The following ASIC2 variants were observed in gnomAD, a reference collection of about 807,000 sequenced individuals.
The protein encoded by ASIC2 is acid sensing ion channel subunit 2.
In ASIC2, 25 loss-of-function variants were observed where a neutral mutation model predicts 57.3. The ratio of observed to expected loss-of-function variants is 0.44; its 90% CI spans 0.32 to 0.61. The LOEUF is 0.61. Among genes scored for constraint, ASIC2 ranks in the 20% least tolerant of loss-of-function variants. ASIC2 has a pLI of 0.06. For synonymous variants in ASIC2, 319 were observed against 307.5 expected, an observed-to-expected ratio of 1.04 and a Z score of -0.39; for missense variants, 641 against 738.1, an observed-to-expected ratio of 0.87 and a Z score of 1.52.
At chr17:34,145,057 T>C (rs1912380360) in intron 1 of ASIC2, among the ~76,000 whole-genome samples, 1 of 152,148 alleles carries the variant, frequency 6.6e-6, no homozygotes, top group Non-Finnish European at 1.5e-5. Flanking sequence ...GCTCCCAGAA[T>C]TTATGACAAA....
chr17:34,061,040 T>C (rs564462155), intron 1 of ASIC2, among the ~76,000 whole-genome samples: 26 of 152,292 alleles, frequency 1.7e-4, no homozygotes, highest in African/African-American at 6.0e-4. Flanking sequence ...CCTAGGCACA[T>C]TGTCATTAGG....
At chr17:33,194,918 T>C in intron 1 of ASIC2, among the ~76,000 whole-genome samples, 1 of 152,288 alleles carries the variant, frequency 6.6e-6, no homozygotes, top group East Asian at 1.9e-4. Flanking sequence ...TGGGAAACTT[T>C]GGGGAAAGAC....
At chr17:33,467,777 C>T (rs1912913278) in intron 1 of ASIC2, among the ~76,000 whole-genome samples, 3 of 152,222 alleles carry the variant, frequency 2.0e-5, no homozygotes, top group Admixed American at 2.0e-4. Flanking sequence ...CACCTTCCAA[C>T]TGTCCCACAT....
chr17:34,049,778 G>A (rs531204154), intron 1 of ASIC2, among the ~76,000 whole-genome samples: 1 of 152,266 alleles, frequency 6.6e-6, no homozygotes, highest in South Asian at 2.1e-4. Flanking sequence ...AAACCCTTCA[G>A]AGAATCTTCC....
At chr17:33,459,217 G>T (rs1042010270) in intron 1 of ASIC2, among the ~76,000 whole-genome samples, 38 of 152,020 alleles carry the variant, frequency 2.5e-4, no homozygotes, top group Non-Finnish European at 5.9e-5. Flanking sequence ...AGCAGTGAGT[G>T]ATTCATCACC....
At chr17:33,802,071 C>T (rs761781640) in intron 1 of ASIC2, among the ~76,000 whole-genome samples, 2 of 152,308 alleles carry the variant, frequency 1.3e-5, no homozygotes, top group African/African-American at 4.8e-5. Context: ...ATAAGTCAGA[C>T]GTATATAGTC....
At chr17:33,587,799 A>G (rs774560071) in intron 1 of ASIC2, among the ~76,000 whole-genome samples, 5 of 152,164 alleles carry the variant, frequency 3.3e-5, no homozygotes, top group East Asian at 3.9e-4. Flanking sequence ...TTAGAAATGG[A>G]TGGGCACATT....
chr17:33,141,153 G>A (rs1364005832), intron 1 of ASIC2, among the ~76,000 whole-genome samples: 1 of 152,178 alleles, frequency 6.6e-6, no homozygotes, highest in African/African-American at 2.4e-5. Context: ...ATCAGATTAG[G>A]TTTCTTGGGC....
chr17:33,531,682 G>C (rs1345297453), intron 1 of ASIC2, among the ~76,000 whole-genome samples: 1 of 152,126 alleles, frequency 6.6e-6, no homozygotes, highest in Non-Finnish European at 1.5e-5. Context: ...CGACTTCCTA[G>C]GGCTTATCCC....
intron 1 of ASIC2, among the ~76,000 whole-genome samples, chr17:33,804,595 A>C (rs970763096): frequency 6.6e-6 from 1 of 152,236 alleles, no homozygotes; most frequent in Non-Finnish European, 1.5e-5. Flanking sequence ...TAGTGTGCCC[A>C]TCATTCTATG....
At chr17:33,439,385 A>C (rs1247168276) in intron 1 of ASIC2, among the ~76,000 whole-genome samples, 1 of 152,212 alleles carries the variant, frequency 6.6e-6, no homozygotes, top group Non-Finnish European at 1.5e-5. Context: ...GGAAGAAGAA[A>C]GAAAAGACTG....
chr17:33,021,630 C>T (rs1384265912), intron 6 of ASIC2, among the ~76,000 whole-genome samples: 1 of 152,246 alleles, frequency 6.6e-6, no homozygotes, highest in Non-Finnish European at 1.5e-5. Context: ...TCGTCCTCAA[C>T]ATGAAGGTGA....
At chr17:34,057,676 C>A (rs1461196772) in intron 1 of ASIC2, among the ~76,000 whole-genome samples, 2 of 152,074 alleles carry the variant, frequency 1.3e-5, no homozygotes, top group Non-Finnish European at 2.9e-5. Context: ...GGCACAGAGG[C>A]AAGAGGGTCA....
intron 2 of ASIC2, among the ~76,000 whole-genome samples, chr17:33,098,459 G>C (rs2141974638): frequency 6.6e-6 from 1 of 152,266 alleles, no homozygotes; most frequent in Admixed American, 6.5e-5. Flanking sequence ...GTGATATTTT[G>C]AAGCTAGGCA....
intron 1 of ASIC2, among the ~76,000 whole-genome samples, chr17:34,052,065 A>G (rs1339873782): frequency 2.6e-5 from 4 of 151,854 alleles, no homozygotes; most frequent in African/African-American, 7.3e-5. Flanking sequence ...TGATTCATCC[A>G]CTCTTTCATC....
At chr17:33,732,427 T>A (rs1484851006) in intron 1 of ASIC2, among the ~76,000 whole-genome samples, 10 of 152,144 alleles carry the variant, frequency 6.6e-5, no homozygotes, top group African/African-American at 2.4e-4. Context: ...TCTTTATGTA[T>A]TGATAGAAAC....
intron 1 of ASIC2, among the ~76,000 whole-genome samples, chr17:33,356,694 CA>C (rs1567833823): frequency 6.6e-6 from 1 of 152,186 alleles, no homozygotes; most frequent in Non-Finnish European, 1.5e-5. Flanking sequence ...TCAGGGCCAA[CA>C]CCTGGCTGCA....
In ASIC2 at chr17:33,859,635, C is replaced by T. The variant is rs993908326; in HGVS notation, c.555+296343G>A. On this transcript the variant is annotated intron_variant, in intron 1 of 9. Transcript: ENST00000359872. ...CTGGAATTCAACAAAAGCGCTGGAG[C>T]TGGCAGTGAAAGAGGCCATGGTGAC... Among the ~76,000 whole-genome samples the T allele has an allele frequency of 5.3e-5, 8 of 152,288 alleles. No homozygotes were observed. The East Asian group carries it at 1.5e-3, about 29-fold the overall frequency.
intron 1 of ASIC2, among the ~76,000 whole-genome samples, chr17:33,832,771 T>C (rs1347295784): frequency 6.6e-6 from 1 of 152,232 alleles, no homozygotes; most frequent in East Asian, 1.9e-4. Flanking sequence ...GATCAATGTA[T>C]ATAAATATAT....
Sources: gnomAD v4.1 joint callset for allele counts (sites outside exome capture counted in the v4.1 genomes callset) on GRCh38, gnomAD v4.1.1 for gene constraint, MANE v1.5 for transcripts, NCBI Gene and HGNC (gene_info 2026-07-23, HGNC 2026-07-21) for gene names.